The following SNX10 variants were observed in gnomAD, a reference collection of about 807,000 sequenced individuals.
The protein encoded by SNX10 is sorting nexin 10.
Under a neutral mutation model 28.5 loss-of-function variants are expected in SNX10, and 25 were observed. The observed-to-expected ratio is 0.88, with a 90% CI of 0.64 to 1.22. SNX10 has a LOEUF of 1.22. SNX10 is among the 50% of genes most tolerant of loss of function. The pLI, the probability that SNX10 is intolerant of heterozygous loss-of-function variation, is 0.00. For missense variants in SNX10, 223 were observed against 242.6 expected, an observed-to-expected ratio of 0.92 and a Z score of 0.54; for synonymous variants, 62 against 81.4, an observed-to-expected ratio of 0.76 and a Z score of 1.28.
intron 1 of SNX10, among the ~76,000 whole-genome samples, chr7:26,310,003 T>C (rs1438325738): frequency 1.3e-5 from 2 of 152,240 alleles, no homozygotes; most frequent in South Asian, 2.1e-4. Flanking sequence ...CTATTTTGGA[T>C]TTTTAATGGC....
intron 1 of SNX10, among the ~76,000 whole-genome samples, chr7:26,295,008 ACTACTCCTTG>A (rs1251623384): frequency 6.6e-6 from 1 of 152,228 alleles, no homozygotes; most frequent in African/African-American, 2.4e-5. Flanking sequence ...TCCCTAAGTA[ACTACTCCTTG>A]CTCCCAGTTT....
intron 2 of SNX10, among the ~76,000 whole-genome samples, chr7:26,351,039 C>T (rs905091116): frequency 2.0e-5 from 3 of 151,900 alleles, no homozygotes; most frequent in Non-Finnish European, 4.4e-5. Flanking sequence ...AAACTTTGAG[C>T]TATTTCTTTC....
Position 26,372,720 on chromosome 7 carries a change from G to T in SNX10, c.*148G>T, listed in dbSNP as rs938977750. ...TAAAGATGTTGGGTTGTTTATTAGT[G>T]GTATTTTTATGTTGTCTTATTTTAG... On this transcript the variant is annotated 3_prime_UTR_variant, in exon 7 of 7. Coordinates refer to ENST00000338523, the MANE Select transcript of SNX10 (RefSeq NM_013322.3). 3 of 564,208 alleles carry T rather than the reference G, an allele frequency of 5.3e-6. No homozygotes were observed. Among genetic ancestry groups the T allele is most frequent in the Admixed American group, 6.2e-5 (2 of 32,192 alleles). 35.0% of individuals were successfully genotyped at this position (564,208 alleles called of 1,614,324 possible). A position where few individuals can be genotyped will look rare whatever the true frequency, so the allele number is the denominator to read the frequency against.
At chr7:26,360,759 A>G (rs1584169161) in intron 2 of SNX10, 2 of 1,285,558 alleles carry the variant, frequency 1.6e-6, no homozygotes, top group Middle Eastern at 2.9e-4. Flanking sequence ...TCAGTGTTGC[A>G]TTATTTTAAA....
At chr7:26,298,562 T>C (rs937039813) in intron 1 of SNX10, among the ~76,000 whole-genome samples, 6 of 152,230 alleles carry the variant, frequency 3.9e-5, no homozygotes, top group South Asian at 2.1e-4. Context: ...TTGCATACTT[T>C]CTGATCAGTA....
At chr7:26,358,531 G>A (rs949285886) in intron 2 of SNX10, among the ~76,000 whole-genome samples, 1 of 152,088 alleles carries the variant, frequency 6.6e-6, no homozygotes, top group African/African-American at 2.4e-5. Flanking sequence ...CTTGAGCCTA[G>A]GAGTTCAGAA....
At chr7:26,340,490 G>T (rs2014729) in intron 1 of SNX10, among the ~76,000 whole-genome samples, 30,105 of 152,136 alleles carry the variant, frequency 0.2, 3,552 homozygotes, top group East Asian at 0.44. Flanking sequence ...TTGCTTCATA[G>T]ATATTTTGCA....
intron 1 of SNX10, among the ~76,000 whole-genome samples, chr7:26,303,678 C>T (rs1284367586): frequency 2.6e-5 from 4 of 152,154 alleles, no homozygotes; most frequent in Admixed American, 2.6e-4. Flanking sequence ...CTCCCTAGAT[C>T]TGTGGTTTTC....
chr7:26,372,066 T>A (rs112853875), intron 6 of SNX10, 33 bp downstream of exon 6: 9 of 1,379,670 alleles, frequency 6.5e-6, no homozygotes, highest in Non-Finnish European at 8.2e-6. Flanking sequence ...AATGTATATG[T>A]ATTTATATAA....
intron 1 of SNX10, among the ~76,000 whole-genome samples, chr7:26,326,939 T>G (rs545862285): frequency 1.6e-3 from 230 of 147,142 alleles, no homozygotes; most frequent in Admixed American, 7.8e-3. Context: ...ACTGTCTCTG[T>G]GTTAATTATC....
intron 1 of SNX10, among the ~76,000 whole-genome samples, chr7:26,336,272 A>G (rs538712980): frequency 6.6e-6 from 1 of 152,346 alleles, no homozygotes; most frequent in East Asian, 1.9e-4. Context: ...AAATACAGAA[A>G]AAAAGGAAGT....
At chr7:26,322,625 T>C (rs970349327) in intron 1 of SNX10, among the ~76,000 whole-genome samples, 1 of 152,248 alleles carries the variant, frequency 6.6e-6, no homozygotes, top group African/African-American at 2.4e-5. Flanking sequence ...GTGATACTGC[T>C]TATTGGCGTT....
intron 1 of SNX10, among the ~76,000 whole-genome samples, chr7:26,323,650 C>T (rs765270934): frequency 9.9e-5 from 15 of 152,026 alleles, no homozygotes; most frequent in East Asian, 7.7e-4. Context: ...GAGGGCTTTA[C>T]GTAGAAAAGG....
intron 1 of SNX10, among the ~76,000 whole-genome samples, chr7:26,326,655 C>T (rs766050988): frequency 2.0e-5 from 3 of 152,234 alleles, no homozygotes; most frequent in Admixed American, 6.5e-5. Flanking sequence ...TTCCATTTCT[C>T]TGTTTGCTTC....
At chr7:26,312,251 G>A (rs966843493) in intron 1 of SNX10, among the ~76,000 whole-genome samples, 2 of 152,062 alleles carry the variant, frequency 1.3e-5, no homozygotes, top group African/African-American at 4.8e-5. Flanking sequence ...TGTAAGGATG[G>A]TGCAAAGCCT....
chr7:26,367,983 G>A (rs1436836881), intron 5 of SNX10, among the ~76,000 whole-genome samples: 2 of 152,102 alleles, frequency 1.3e-5, no homozygotes, highest in African/African-American at 4.8e-5. Context: ...CTTTGTATAT[G>A]TGTATATATA....
intron 1 of SNX10, among the ~76,000 whole-genome samples, chr7:26,325,328 T>TATATATATATATATATATATATA (rs56716262): frequency 1.9e-3 from 230 of 122,938 alleles, no homozygotes; most frequent in Non-Finnish European, 2.9e-3. Context: ...TATATATATA[T>TATATATATATATATATATATATA]TTGAGATGGA....
intron 1 of SNX10, among the ~76,000 whole-genome samples, chr7:26,322,731 C>T (rs111648728): frequency 2.6e-5 from 4 of 152,154 alleles, no homozygotes; most frequent in African/African-American, 9.6e-5. Flanking sequence ...GTTTTGTATT[C>T]TTGGAGGTTG....
intron 1 of SNX10, among the ~76,000 whole-genome samples, chr7:26,322,736 A>G (rs1787356485): frequency 1.3e-5 from 2 of 152,134 alleles, no homozygotes; most frequent in Admixed American, 1.3e-4. Context: ...GTATTCTTGG[A>G]GGTTGGAATA....
Sources: allele counts gnomAD v4.1 joint callset (sites outside exome capture counted in the v4.1 genomes callset), GRCh38; gene constraint gnomAD v4.1.1; transcripts MANE v1.5; gene names NCBI Gene and HGNC (gene_info 2026-07-23, HGNC 2026-07-21).